Variants in SCGB1A1 observed in about 807,000 individuals in gnomAD.
SCGB1A1 encodes secretoglobin family 1A member 1, also known as uteroglobin.
SCGB1A1 carries 8 observed loss-of-function variants against 7.5 expected under a neutral mutation model. The ratio of observed to expected loss-of-function variants is 1.07; its 90% CI spans 0.63 to 1.92. The LOEUF (loss-of-function observed/expected upper bound fraction) is 1.92, where lower values mean the gene tolerates loss of function less well. Among genes scored for constraint, SCGB1A1 ranks in the 30% most tolerant of loss-of-function variants. The pLI is 0.00. For missense variants in SCGB1A1, 121 were observed against 112.7 expected (o/e 1.07, Z -0.33); for synonymous variants, 44 against 40.8 (o/e 1.08, Z -0.30).
At chr11:62,420,663 G>C (rs902575016) in intron 1 of SCGB1A1, among the ~76,000 whole-genome samples, 2 of 150,040 alleles carry the variant, frequency 1.3e-5, no homozygotes, top group East Asian at 2.1e-4. Flanking sequence ...GGCCAGGCAC[G>C]GTGGCTCACG....
chr11:62,422,414 C>T lies in SCGB1A1; in HGVS notation c.243+6C>T, dbSNP rs766438810. 1.2e-6 allele frequency: 2 copies of T among 1,602,808 alleles called. No homozygotes were observed. Among genetic ancestry groups the T allele is most frequent in the Non-Finnish European group, 1.7e-6 (2 of 1,171,984 alleles). On this transcript the variant is annotated splice_donor_region_variant and intron_variant, in intron 2 of 2. Transcript: ENST00000278282. The stretch of plus-strand genomic sequence containing the variant: ...AAAGCATCATTAAGCTCATGGTAAC[C>T]AGCACCTTTCACGTCACACTGGTTA...
chr11:62,422,374 C>T lies in SCGB1A1; in HGVS notation c.209C>T (p.Pro70Leu), dbSNP rs1413596080. Residue 70 changes from proline to leucine, a missense_variant, in exon 2 of 3, where the codon CCC becomes CTC. Physicochemically the swap from Pro to Leu is moderately conservative, Grantham distance 98. Coordinates refer to ENST00000278282, the MANE Select transcript of SCGB1A1 (RefSeq NM_003357.5). ...CTGAAGAAGCTGGTGGACACCCTCC[C>T]CCAAAAGCCCAGAGAAAGCATCATT... is the stretch of plus-strand genomic sequence containing the variant. ...AQLKKLVDTLPQKPRESIIKL... is the reference protein window; with the variant it reads ...AQLKKLVDTLLQKPRESIIKL... 7 of 1,613,866 alleles carry T rather than the reference C, an allele frequency of 4.3e-6. No homozygotes were observed. Among genetic ancestry groups the T allele is most frequent in the Non-Finnish European group, 5.9e-6 (7 of 1,179,848 alleles).
intron 2 of SCGB1A1, among the ~76,000 whole-genome samples, chr11:62,422,640 T>G (rs1161876222): frequency 6.9e-6 from 1 of 145,314 alleles, no homozygotes; most frequent in African/African-American, 2.6e-5. Flanking sequence ...AATAGCACGA[T>G]CTTGGCTTAC....
At chr11:62,421,274 T>C (rs1937782557) in intron 1 of SCGB1A1, among the ~76,000 whole-genome samples, 1 of 152,154 alleles carries the variant, frequency 6.6e-6, no homozygotes, top group Non-Finnish European at 1.5e-5. Context: ...CCCATGTTCC[T>C]GGTTGTAAGG....
chr11:62,423,065 A>G lies in SCGB1A1; in HGVS notation c.250A>G (p.Ile84Val), dbSNP rs1663959866. 1 of 1,614,084 alleles carries G rather than the reference A, an allele frequency of 6.2e-7. No individual in the cohort carries two copies. The highest frequency in any genetic ancestry group is 8.5e-7 in the Non-Finnish European group (1 of 1,179,954). ...CTTTGTCTATTTGTTTTAGGAAAAA[A>G]TAGCCCAAAGCTCACTGTGTAATTA... is the stretch of plus-strand genomic sequence containing the variant. ...RESIIKLMEKIAQSSLCN is the reference protein window; with the variant it reads ...RESIIKLMEKVAQSSLCN The change falls in exon 3 of 3, where the codon ATA becomes GTA. Residue 84 changes from isoleucine (I) to valine (V), a missense_variant. By Grantham distance (29) the Ile-to-Val change is conservative. Transcript: ENST00000278282.
Position 62,423,057 on chromosome 11 carries a change from AG to A in SCGB1A1, c.244del. 6.2e-7 allele frequency: 1 copy of A among 1,613,678 alleles called. No individual in the cohort carries two copies. Among genetic ancestry groups the A allele is most frequent in the Non-Finnish European group, 8.5e-7 (1 of 1,179,710 alleles). On this transcript the variant is annotated splice_acceptor_variant, in intron 2 of 2. Transcript: ENST00000278282. LOFTEE classifies it high-confidence loss of function. ...TTCTGTTTCTTTGTCTATTTGTTTT[AG>A]GAAAAAATAGCCCAAAGCTCACTGT...
intron 1 of SCGB1A1, among the ~76,000 whole-genome samples, chr11:62,420,766 C>A (rs1937768519): frequency 6.6e-6 from 1 of 150,894 alleles, no homozygotes; most frequent in Non-Finnish European, 1.5e-5. Context: ...GAAACCTTGT[C>A]TCTATTAAAA....
chr11:62,423,154 G>T lies in SCGB1A1; in HGVS notation c.*63G>T. 6.6e-7 allele frequency: 1 copy of T among 1,521,452 alleles called. No individual in the cohort carries two copies. Among genetic ancestry groups the T allele is most frequent in the Non-Finnish European group, 9.1e-7 (1 of 1,096,240 alleles). 94.2% of individuals were successfully genotyped at this position (1,521,452 alleles called of 1,614,324 possible). A position where few individuals can be genotyped will look rare whatever the true frequency, so the allele number is the denominator to read the frequency against. Reference sequence around the variant, plus strand: ...TGCCGCTGCCATGCTTTGAGTCCACGCCCACCAGCCTTGCTCTCTTCAATA... The same window carrying T: ...TGCCGCTGCCATGCTTTGAGTCCACTCCCACCAGCCTTGCTCTCTTCAATA... On this transcript the variant is annotated 3_prime_UTR_variant, in exon 3 of 3. Transcript: ENST00000278282.
intron 1 of SCGB1A1, among the ~76,000 whole-genome samples, chr11:62,420,044 AG>A (rs1937741820): frequency 1.3e-5 from 2 of 152,240 alleles, no homozygotes; most frequent in South Asian, 4.1e-4. Context: ...ACCCAAACCA[AG>A]AAGCAGTAGG....
intron 1 of SCGB1A1, among the ~76,000 whole-genome samples, chr11:62,421,129 G>A (rs1392404760): frequency 6.6e-6 from 1 of 152,154 alleles, no homozygotes; most frequent in African/African-American, 2.4e-5. Context: ...GACTTGGAGT[G>A]GCAATTTCTA....
rs778797678 is a variant in SCGB1A1 at position 62,419,049 on chromosome 11, C to T, written c.-47C>T. On this transcript the variant is annotated 5_prime_UTR_variant, in exon 1 of 3. Transcript: ENST00000278282. ...GCATGTCTCATACTAGCCCACCAGACTCAGAGACGGAACCAGAGACGGGCC... is the reference window on the plus strand; with the variant it reads ...GCATGTCTCATACTAGCCCACCAGATTCAGAGACGGAACCAGAGACGGGCC... 6 of 1,537,866 alleles carry T rather than the reference C, an allele frequency of 3.9e-6. No homozygotes were observed. The highest frequency in any genetic ancestry group is 5.3e-6 in the Non-Finnish European group (6 of 1,133,850).
chr11:62,422,385 A>G lies in SCGB1A1; in HGVS notation c.220A>G (p.Arg74Gly). 6.2e-7 allele frequency: 1 copy of G among 1,613,632 alleles called. No homozygotes were observed. Among genetic ancestry groups the G allele is most frequent in the South Asian group, 1.1e-5 (1 of 91,006 alleles). Residue 74 changes from arginine (R) to glycine (G), a missense_variant, in exon 2 of 3, where the codon AGA becomes GGA. By Grantham distance (125) the Arg-to-Gly change is moderately radical. Coordinates refer to ENST00000278282, the MANE Select transcript of SCGB1A1 (RefSeq NM_003357.5). ...KLVDTLPQKPRESIIKLMEKI... is the reference protein window; with the variant it reads ...KLVDTLPQKPGESIIKLMEKI... ...GGTGGACACCCTCCCCCAAAAGCCC[A>G]GAGAAAGCATCATTAAGCTCATGGT...
At chr11:62,420,311 A>ATT (rs1193911100) in intron 1 of SCGB1A1, among the ~76,000 whole-genome samples, 3 of 135,092 alleles carry the variant, frequency 2.2e-5, no homozygotes, top group African/African-American at 9.3e-5. Context: ...ATCTCTTTTC[A>ATT]TTCTTTTTTT....
chr11:62,422,172 G>A, intron 1 of SCGB1A1, 49 bp from the exon 2 acceptor site: 1 of 1,529,468 alleles, frequency 6.5e-7, no homozygotes, highest in Non-Finnish European at 8.9e-7. Flanking sequence ...GGGCTAGCCA[G>A]CTTGGAAAGG....
intron 2 of SCGB1A1, among the ~76,000 whole-genome samples, 159 bp downstream of exon 2, chr11:62,422,567 C>CTTCCTTTT (rs1177576123): frequency 3.0e-5 from 4 of 135,252 alleles, no homozygotes; most frequent in African/African-American, 1.1e-4. Flanking sequence ...GACATCTCCT[C>CTTCCTTTT]TTCCTTTTTT....
In SCGB1A1 at chr11:62,419,137, C is replaced by A; in HGVS notation, c.42C>A (p.Leu14=). ...CCCTCACCCTGGTCACACTGGCTCT[C>A]TGCTGCAGCTCCGGTGAGTGCTCAG... ...AVTLTLVTLA[L]CCSSASAEIC... is the part of the protein sequence containing the mutation. Residue 14 remains leucine (L), a synonymous_variant, in exon 1 of 3, where the codon CTC becomes CTA. Transcript: ENST00000278282. 6.3e-7 allele frequency: 1 copy of A among 1,575,632 alleles called. No homozygotes were observed. The highest frequency in any genetic ancestry group is 8.6e-7 in the Non-Finnish European group (1 of 1,157,336).
chr11:62,420,680 A>G lies in SCGB1A1; in HGVS notation c.55+1530A>G, dbSNP rs868463613. ...CCAGGCACGGTGGCTCACGCCTGTA[A>G]TCCCAGCAATTTGGGAGGCCGAGGT... On this transcript the variant is annotated intron_variant, in intron 1 of 2. Coordinates refer to ENST00000278282, the MANE Select transcript of SCGB1A1 (RefSeq NM_003357.5). Among the ~76,000 whole-genome samples the G allele has an allele frequency of 5.0e-4, 76 of 150,582 alleles. 1 individual carries two copies. Among genetic ancestry groups the G allele is most frequent in the Admixed American group, 1.9e-3 (29 of 15,184 alleles).
At chr11:62,419,201 AC>A (rs781496734) in intron 1 of SCGB1A1, 51 bp downstream of exon 1, 17 of 1,359,910 alleles carry the variant, frequency 1.3e-5, no homozygotes, top group South Asian at 9.5e-5. Context: ...AACTCTCAGG[AC>A]CCCCCAGTTC....
chr11:62,419,801 G>C (rs1332029366), intron 1 of SCGB1A1, among the ~76,000 whole-genome samples: 2 of 152,250 alleles, frequency 1.3e-5, no homozygotes, highest in East Asian at 3.9e-4. Context: ...GGGGCAGAAA[G>C]AGAGACGGAG....
Sources: allele counts gnomAD v4.1 joint callset (sites outside exome capture counted in the v4.1 genomes callset), GRCh38; gene constraint gnomAD v4.1.1; transcripts MANE v1.5; gene names NCBI Gene and HGNC (gene_info 2026-07-23, HGNC 2026-07-21).